ADCY3: variants seen among roughly 807,000 people sequenced by gnomAD.
ADCY3 encodes adenylate cyclase 3, also known as adenylate cyclase type 3.
A neutral mutation model predicts 119.4 loss-of-function variants in ADCY3; 70 were observed. That is an observed-to-expected ratio of 0.59 (90% CI 0.48 to 0.72). The LOEUF (loss-of-function observed/expected upper bound fraction) is 0.72, where lower values mean the gene tolerates loss of function less well. ADCY3 is among the 30% of genes least tolerant of loss of function. The pLI is 0.00. For missense variants in ADCY3, 1,238 were observed against 1,541.6 expected (o/e 0.80, Z 3.30); for synonymous variants, 672 against 621.4 (o/e 1.08, Z -1.21).
intron 2 of ADCY3, among the ~76,000 whole-genome samples, chr2:24,913,425 G>A (rs2149069499): frequency 6.6e-6 from 1 of 152,296 alleles, no homozygotes; most frequent in African/African-American, 2.4e-5. Context: ...AAAGACATTT[G>A]GGGGCAGCCA....
chr2:24,822,294 A>T (rs1437406577), intron 19 of ADCY3: 1 of 573,134 alleles, frequency 1.7e-6, no homozygotes, highest in African/African-American at 1.9e-5. Flanking sequence ...CTTAGGCCTG[A>T]GCTGTGAACA....
intron 3 of ADCY3, among the ~76,000 whole-genome samples, chr2:24,862,286 C>T (rs147122517): frequency 6.6e-6 from 1 of 152,296 alleles, no homozygotes; most frequent in African/African-American, 2.4e-5. Context: ...GTGGCTCACG[C>T]CTGTAATCCC....
chr2:24,881,441 C>T lies in ADCY3; in HGVS notation c.676-8722G>A, dbSNP rs563891268. ...GTGAATGCCAAGCAAGATCCAGCCA[C>T]GGGAGAGGCCAGAAGGATGGGCATT... On this transcript the variant is annotated intron_variant, in intron 2 of 21. Transcript: ENST00000679454. 7.9e-5 allele frequency among the ~76,000 whole-genome samples: 12 copies of T among 152,320 alleles called. No individual in the cohort carries two copies. The Middle Eastern group carries it at 0.01, about 130-fold the overall frequency.
chr2:24,877,779 C>A (rs11125825), intron 2 of ADCY3: 9,334 of 422,984 alleles, frequency 0.022, 682 homozygotes, highest in African/African-American at 0.17. Context: ...CAGGCACCAT[C>A]TGACCACCAG....
chr2:24,904,726 C>T (rs535969921), intron 2 of ADCY3, among the ~76,000 whole-genome samples: 1 of 151,838 alleles, frequency 6.6e-6, no homozygotes, highest in South Asian at 2.1e-4. Context: ...ATTGCAACCT[C>T]TGCCTCCTGG....
In ADCY3 at chr2:24,898,448, CT is replaced by C. The variant is rs1471775156; in HGVS notation, c.675+19864del. 6.6e-6 allele frequency among the ~76,000 whole-genome samples: 1 copy of C among 152,166 alleles called. No homozygotes were observed. The highest frequency in any genetic ancestry group is 1.9e-4 in the East Asian group (1 of 5,196). The stretch of plus-strand genomic sequence containing the variant: ...TCCTCGGGGAGAGGGGCTTCGTGTA[CT>C]TCACACAGTGCTTCATGAAGGGGTG... On this transcript the variant is annotated intron_variant, in intron 2 of 21. Coordinates refer to ENST00000679454, the MANE Select transcript of ADCY3 (RefSeq NM_004036.5). This position sits in a 1 kb window ranked among gnomAD's most constrained non-coding sequence, Gnocchi z 4.3.
chr2:24,878,555 G>A lies in ADCY3; in HGVS notation c.676-5836C>T, dbSNP rs149807300. On this transcript the variant is annotated intron_variant, in intron 2 of 21. Coordinates refer to ENST00000679454, the MANE Select transcript of ADCY3 (RefSeq NM_004036.5). The surrounding 1 kb of genome is among the most constrained non-coding windows in gnomAD (Gnocchi z 4.0). ...CCCACAGAGACCTATGACGTTCTGC[G>A]GCTGGAGGCCAGCCGCACGGGAAAC... 2.0e-5 allele frequency among the ~76,000 whole-genome samples: 3 copies of A among 152,116 alleles called. No homozygotes were observed. The highest frequency in any genetic ancestry group is 2.1e-4 in the South Asian group (1 of 4,820).
chr2:24,846,332 AGG>A (rs1436371418), intron 3 of ADCY3, among the ~76,000 whole-genome samples: 4 of 152,216 alleles, frequency 2.6e-5, no homozygotes, highest in Non-Finnish European at 5.9e-5. Flanking sequence ...GCAAAGCCCC[AGG>A]GGCAGAGCTG....
chr2:24,875,865 T>G lies in ADCY3; in HGVS notation c.676-3146A>C, dbSNP rs535425644. 2.6e-5 allele frequency among the ~76,000 whole-genome samples: 4 copies of G among 152,200 alleles called. No individual in the cohort carries two copies. In the South Asian group the frequency reaches 8.3e-4, roughly 32 times the overall value. ...AAGGTGTTAAAACTAGAGGGTGAGA[T>G]CTCCTCCAGCATTCAAATCTCATTA... On this transcript the variant is annotated intron_variant, in intron 2 of 21. Coordinates refer to ENST00000679454, the MANE Select transcript of ADCY3 (RefSeq NM_004036.5).
intron 3 of ADCY3, among the ~76,000 whole-genome samples, chr2:24,870,081 CG>C (rs746088077): frequency 2.8e-4 from 42 of 151,320 alleles, no homozygotes; most frequent in Non-Finnish European, 5.3e-4. Context: ...GAAGCCGAGG[CG>C]GGTGGATCAC....
chr2:24,838,886 T>C lies in ADCY3; in HGVS notation c.1356-264A>G, dbSNP rs114530292. 3.6e-3 allele frequency: 5,727 copies of C among 1,591,694 alleles called. 182 individuals carry two copies. The African/African-American group carries it at 0.063, about 18-fold the overall frequency. ...CAGTGTTGGAGCCACGACACAGGAG[T>C]ACAATCTTTCTTCAATCTTTGATCC... On this transcript the variant is annotated intron_variant, in intron 7 of 21. Coordinates refer to ENST00000679454, the MANE Select transcript of ADCY3 (RefSeq NM_004036.5).
chr2:24,879,198 C>T (rs923735940), intron 2 of ADCY3, among the ~76,000 whole-genome samples: 2 of 152,106 alleles, frequency 1.3e-5, no homozygotes, highest in East Asian at 1.9e-4. Context: ...CTGGGCCGGG[C>T]GCGGTGGCTC....
At chr2:24,825,528 G>A (rs566217380) in intron 16 of ADCY3, 2 of 156,214 alleles carry the variant, frequency 1.3e-5, no homozygotes, top group Non-Finnish European at 2.8e-5. Context: ...TAGAGACAGG[G>A]TTTCACCATA....
rs1664899507 is a variant in ADCY3 at position 24,919,844 on chromosome 2, C to G, written c.-359G>C. ...GATCTCCCGCCGTCAGGCCCGGGAT[C>G]CGACCGGGAGAGGCGCAGGGCTGCC... On this transcript the variant is annotated 5_prime_UTR_variant, in exon 1 of 22. Coordinates refer to ENST00000679454, the MANE Select transcript of ADCY3 (RefSeq NM_004036.5). The surrounding 1 kb of genome is among the most constrained non-coding windows in gnomAD (Gnocchi z 5.5). 1 of 151,022 alleles carries G rather than the reference C, an allele frequency of 6.6e-6. No individual in the cohort carries two copies. The highest frequency in any genetic ancestry group is 2.4e-5 in the African/African-American group (1 of 41,306). The allele number at this position is 151,022 out of a possible 1,614,324, so 9.4% of individuals were successfully genotyped here.
At chr2:24,823,509 T>TA in intron 17 of ADCY3, 154 bp from the exon 18 acceptor site, 1 of 794,344 alleles carries the variant, frequency 1.3e-6, no homozygotes, top group South Asian at 2.1e-5. Context: ...TTTTTTTTTT[T>TA]AAGAGTGGGT....
chr2:24,824,442 A>G lies in ADCY3; in HGVS notation c.2672T>C (p.Leu891Ser). The G allele has an allele frequency of 6.2e-7, 1 of 1,614,250 alleles. No individual in the cohort carries two copies. Among genetic ancestry groups the G allele is most frequent in the Non-Finnish European group, 8.5e-7 (1 of 1,180,044 alleles). Residue 891 changes from leucine (L) to serine (S), a missense_variant, in exon 17 of 22, where the codon TTG (leucine) becomes TCG (serine). By Grantham distance (145) the Leu-to-Ser change is moderately radical. This residue lies in a region of ADCY3 where 499 missense variants were observed against 571.0 expected (regional missense o/e 0.87). Coordinates refer to ENST00000679454, the MANE Select transcript of ADCY3 (RefSeq NM_004036.5). ...VYEMRRWNEA[L>S]VTNMLPEHVA... is the part of the protein sequence containing the mutation. ...GTGCTCAGGCAACATGTTGGTGACC[A>G]AGGCCTCGTTCCAGCGTCGCATCTC...
At chr2:24,821,990 A>G in intron 19 of ADCY3, 2 of 254,544 alleles carry the variant, frequency 7.9e-6, no homozygotes, top group Non-Finnish European at 7.6e-6. Flanking sequence ...CTGGAGGGGG[A>G]TGACCCGCCT....
chr2:24,831,346 C>A (rs1669476739), intron 12 of ADCY3, among the ~76,000 whole-genome samples: 2 of 152,212 alleles, frequency 1.3e-5, no homozygotes, highest in Admixed American at 6.5e-5. Context: ...TCCAGCCGGC[C>A]CTCCACTTCC....
chr2:24,862,285 G>A (rs972453099), intron 3 of ADCY3, among the ~76,000 whole-genome samples: 4 of 152,178 alleles, frequency 2.6e-5, no homozygotes, highest in African/African-American at 7.2e-5. Flanking sequence ...GGTGGCTCAC[G>A]CCTGTAATCC....
Sources: gnomAD v4.1 joint callset for allele counts (sites outside exome capture counted in the v4.1 genomes callset) on GRCh38, gnomAD v4.1.1 for gene constraint, gnomAD v4.1.1 regional missense constraint, Gnocchi (gnomAD v3.1) non-coding constraint, MANE v1.5 for transcripts, NCBI Gene and HGNC (gene_info 2026-07-23, HGNC 2026-07-21) for gene names.